Variants in EBF1 observed in about 807,000 individuals in gnomAD.
The protein encoded by EBF1 is transcription factor COE1.
A neutral mutation model predicts 68.4 loss-of-function variants in EBF1; 10 were observed. The ratio of observed to expected loss-of-function variants is 0.15; its 90% CI spans 0.09 to 0.25. The LOEUF is 0.25. Ranked by LOEUF, EBF1 falls within the 10% of genes least tolerant of loss-of-function variation. The pLI is 1.00. For missense variants in EBF1, 509 were observed against 794.4 expected (o/e 0.64, Z 4.32); for synonymous variants, 298 against 299.8 (o/e 0.99, Z 0.06).
At chr5:158,937,284 A>G (rs1053064168) in intron 6 of EBF1, among the ~76,000 whole-genome samples, 6 of 152,160 alleles carry the variant, frequency 3.9e-5, no homozygotes, top group African/African-American at 1.4e-4. Context: ...AAGGTCTTCC[A>G]TATAAAATAT....
At chr5:159,019,345 C>T (rs1766225865) in intron 6 of EBF1, among the ~76,000 whole-genome samples, 1 of 152,152 alleles carries the variant, frequency 6.6e-6, no homozygotes, top group Admixed American at 6.5e-5. Flanking sequence ...ATGTCGGGCT[C>T]ATATAACTAA....
At chr5:158,774,683 G>A (rs1382895662) in intron 10 of EBF1, among the ~76,000 whole-genome samples, 2 of 152,092 alleles carry the variant, frequency 1.3e-5, no homozygotes, top group Middle Eastern at 3.2e-3. Flanking sequence ...GAGGTTTTAT[G>A]AGCCATCTCT....
At chr5:159,020,883 C>T (rs978351948) in intron 6 of EBF1, among the ~76,000 whole-genome samples, 1 of 152,122 alleles carries the variant, frequency 6.6e-6, no homozygotes, top group Non-Finnish European at 1.5e-5. Context: ...TTAATTTATA[C>T]AATGAAGAGA....
At chr5:158,844,909 C>T (rs765634681) in intron 6 of EBF1, among the ~76,000 whole-genome samples, 4 of 152,204 alleles carry the variant, frequency 2.6e-5, no homozygotes, top group Non-Finnish European at 5.9e-5. Context: ...ACCTGTATCA[C>T]CTTTTACCAA....
intron 6 of EBF1, among the ~76,000 whole-genome samples, chr5:159,019,592 T>C (rs1766277178): frequency 6.6e-6 from 1 of 152,216 alleles, no homozygotes; most frequent in African/African-American, 2.4e-5. Context: ...GCCTCATTAA[T>C]GTTTGTTTTT....
chr5:159,067,788 A>G (rs1373763162), intron 6 of EBF1, among the ~76,000 whole-genome samples: 1 of 152,170 alleles, frequency 6.6e-6, no homozygotes, highest in Non-Finnish European at 1.5e-5. Context: ...ATGTTTAAAC[A>G]CACTAAGGTT....
At chr5:159,022,908 A>G (rs1230390565) in intron 6 of EBF1, among the ~76,000 whole-genome samples, 1 of 152,212 alleles carries the variant, frequency 6.6e-6, no homozygotes, top group Non-Finnish European at 1.5e-5. Context: ...CTTTGTTAGC[A>G]TTTGACTTTT....
chr5:158,772,134 G>A (rs1382079414), intron 10 of EBF1, among the ~76,000 whole-genome samples: 1 of 152,114 alleles, frequency 6.6e-6, no homozygotes, highest in Non-Finnish European at 1.5e-5. Context: ...TCTCTGCAGG[G>A]TAATGACATG....
chr5:158,804,595 A>G (rs1425003551), intron 8 of EBF1, among the ~76,000 whole-genome samples: 2 of 152,122 alleles, frequency 1.3e-5, no homozygotes, highest in South Asian at 2.1e-4. Context: ...ATGTACCTGT[A>G]ACTTCTAAAT....
intron 6 of EBF1, among the ~76,000 whole-genome samples, chr5:158,880,187 G>T (rs960776039): frequency 2.6e-5 from 4 of 152,156 alleles, no homozygotes; most frequent in African/African-American, 7.2e-5. Context: ...AGAAAGGGAG[G>T]ATGAGAAGAT....
intron 6 of EBF1, among the ~76,000 whole-genome samples, chr5:158,889,727 T>G (rs1323840781): frequency 1.3e-5 from 2 of 152,222 alleles, no homozygotes; most frequent in Non-Finnish European, 2.9e-5. Flanking sequence ...AGTCATGGAA[T>G]GAGCTACCAG....
intron 6 of EBF1, among the ~76,000 whole-genome samples, chr5:158,904,848 G>A (rs148426800): frequency 4.6e-5 from 7 of 152,034 alleles, no homozygotes; most frequent in African/African-American, 1.2e-4. Context: ...TCACCTCCTC[G>A]GTTCATTTAT....
intron 7 of EBF1, 41 bp downstream of exon 7, chr5:158,839,988 C>T: frequency 6.3e-7 from 1 of 1,578,730 alleles, no homozygotes; most frequent in Non-Finnish European, 8.7e-7. Flanking sequence ...TCCTGATATT[C>T]ATGCCATTAT....
chr5:158,826,565 C>T (rs1323937459), intron 7 of EBF1, among the ~76,000 whole-genome samples: 3 of 152,074 alleles, frequency 2.0e-5, no homozygotes, highest in African/African-American at 4.8e-5. Flanking sequence ...TAAATATCAG[C>T]CTATGTAAAC....
At chr5:158,882,161 G>C (rs1582855486) in intron 6 of EBF1, among the ~76,000 whole-genome samples, 1 of 152,274 alleles carries the variant, frequency 6.6e-6, no homozygotes, top group South Asian at 2.1e-4. Flanking sequence ...TTTATTGCCA[G>C]ATTGGTCCAT....
At chr5:158,808,173 A>G (rs1781952766) in intron 8 of EBF1, among the ~76,000 whole-genome samples, 2 of 152,152 alleles carry the variant, frequency 1.3e-5, no homozygotes, top group African/African-American at 2.4e-5. Flanking sequence ...CTTTGCCCAC[A>G]TAAGCCATGC....
chr5:158,830,512 G>T (rs56877661), intron 7 of EBF1, among the ~76,000 whole-genome samples: 32 of 152,220 alleles, frequency 2.1e-4, no homozygotes, highest in African/African-American at 7.2e-4. Flanking sequence ...CTCGTGATCC[G>T]TCCATCTCGG....
Position 158,696,109 on chromosome 5 carries a change from A to G in EBF1, c.*3002T>C, listed in dbSNP as rs950304116. Reference sequence around the variant, plus strand: ...AGGTGAAAGGTTAGTAGATTTAGAGATGACTTCATTTAAGCTGCATCCTAG... The same window carrying G: ...AGGTGAAAGGTTAGTAGATTTAGAGGTGACTTCATTTAAGCTGCATCCTAG... On this transcript the variant is annotated 3_prime_UTR_variant, in exon 16 of 16. Coordinates refer to ENST00000313708, the MANE Select transcript of EBF1 (RefSeq NM_024007.5). 7 of 215,266 alleles carry G rather than the reference A, an allele frequency of 3.3e-5. No individual in the cohort carries two copies. Among genetic ancestry groups the G allele is most frequent in the Non-Finnish European group, 6.6e-5 (7 of 106,716 alleles). The allele number at this position is 215,266 out of a possible 1,614,324, so 13.3% of individuals were successfully genotyped here.
intron 6 of EBF1, among the ~76,000 whole-genome samples, chr5:158,965,822 C>T (rs371019565): frequency 6.6e-6 from 1 of 152,282 alleles, no homozygotes. Context: ...GACCCTGTAA[C>T]GTCCTTTAAG....
Sources: gnomAD v4.1 joint callset for allele counts (sites outside exome capture counted in the v4.1 genomes callset) on GRCh38, gnomAD v4.1.1 for gene constraint, MANE v1.5 for transcripts, NCBI Gene and HGNC (gene_info 2026-07-23, HGNC 2026-07-21) for gene names.